The following URB2 variants were observed in gnomAD, a reference collection of about 807,000 sequenced individuals.
The protein encoded by URB2 is URB2 ribosome biogenesis homolog.
In URB2, 86 loss-of-function variants were observed where a neutral mutation model predicts 120.9. The ratio of observed to expected loss-of-function variants is 0.71; its 90% CI spans 0.60 to 0.85. The LOEUF (loss-of-function observed/expected upper bound fraction) is 0.85, where lower values mean the gene tolerates loss of function less well. Among genes scored for constraint, URB2 ranks in the 40% least tolerant of loss-of-function variants. URB2 has a pLI of 0.00. For synonymous variants in URB2, 755 were observed against 758.4 expected (o/e 1.00, Z 0.07); for missense variants, 1,765 against 1,836.5 (o/e 0.96, Z 0.71).
At chr1:229,639,627 T>C (rs1252099651) in intron 4 of URB2, among the ~76,000 whole-genome samples, 2 of 152,172 alleles carry the variant, frequency 1.3e-5, no homozygotes, top group Non-Finnish European at 2.9e-5. Context: ...TGAGCCACCA[T>C]GTCCAGCCAA....
chr1:229,653,944 T>G (rs1233806833), intron 8 of URB2, among the ~76,000 whole-genome samples: 4 of 150,084 alleles, frequency 2.7e-5, no homozygotes, highest in Admixed American at 6.6e-5. Context: ...GTGTTTTTTT[T>G]TTTTTTTTTT....
chr1:229,639,454 C>G (rs1410588334), intron 4 of URB2, among the ~76,000 whole-genome samples: 1 of 151,762 alleles, frequency 6.6e-6, no homozygotes, highest in Non-Finnish European at 1.5e-5. Flanking sequence ...CCTGCCTCAG[C>G]CTCCCAAGTA....
chr1:229,637,745 A>G lies in URB2; in HGVS notation c.3132A>G (p.Gln1044=), dbSNP rs771718634. 1.1e-5 allele frequency: 17 copies of G among 1,614,048 alleles called. No individual in the cohort carries two copies. The highest frequency in any genetic ancestry group is 4.5e-5 in the East Asian group (2 of 44,896). The part of the protein sequence containing the change: ...KPYTEAASSK[Q]LENQNPQGRQ... ...ACACGGAGGCAGCTTCAAGCAAACA[A>G]TTAGAAAATCAGAACCCCCAGGGCA... Residue 1044 remains glutamine, a synonymous_variant, in exon 4 of 10, where the codon CAA becomes CAG. Coordinates refer to ENST00000258243, the MANE Select transcript of URB2 (RefSeq NM_014777.4).
At position 229,645,800 on chromosome 1, in the gene URB2, G is replaced by A. The variant is rs375926418; in HGVS notation, c.3796-59G>A. ...CAGAGAGCAGTCTTCTTCCCCAGGC[G>A]GAGTTCTTAAGGGAGAACACGCTAT... On this transcript the variant is annotated intron_variant, in intron 5 of 9. Transcript: ENST00000258243. 1.2e-4 allele frequency: 177 copies of A among 1,416,484 alleles called. No individual in the cohort carries two copies. In the African/African-American group the frequency reaches 1.8e-3, roughly 14 times the overall value. 87.7% of individuals were successfully genotyped at this position (1,416,484 alleles called of 1,614,324 possible).
Position 229,633,170 on chromosome 1 carries a change from GA to G in URB2, c.303+726del, listed in dbSNP as rs374028747. Among the ~76,000 whole-genome samples, 107 of 152,304 alleles carry G rather than the reference GA, an allele frequency of 7.0e-4. 1 individual carries two copies. The highest frequency in any genetic ancestry group is 2.5e-3 in the African/African-American group (105 of 41,576). ...TCACCCTCATGAGTGTGCGGGCTGAGAGAAAATCGTTAGAGGCTAGTAACGG... is the reference window on the plus strand; with the variant it reads ...TCACCCTCATGAGTGTGCGGGCTGAGGAAAATCGTTAGAGGCTAGTAACGG... On this transcript the variant is annotated intron_variant, in intron 3 of 9. Coordinates refer to ENST00000258243, the MANE Select transcript of URB2 (RefSeq NM_014777.4).
chr1:229,649,420 G>A (rs904749882), intron 7 of URB2, among the ~76,000 whole-genome samples: 4 of 152,210 alleles, frequency 2.6e-5, no homozygotes. Context: ...AATTACAGGT[G>A]CAGGATTTCA....
At position 229,635,141 on chromosome 1, in the gene URB2, C is replaced by CCTTGGCCATTATCT; in HGVS notation, c.533_546dup (p.Ile183AlafsTer5). The CCTTGGCCATTATCT allele has an allele frequency of 1.2e-6, 2 of 1,614,140 alleles. No homozygotes were observed. Among genetic ancestry groups the CCTTGGCCATTATCT allele is most frequent in the Non-Finnish European group, 8.5e-7 (1 of 1,180,026 alleles). ...AGTTGTTTGAGGTCATTCACCTGGC[C>CCTTGGCCATTATCT]CTTGGCCATTATCTCTTGATCCTGC... On this transcript the variant is annotated frameshift_variant, in exon 4 of 10. Coordinates refer to ENST00000258243, the MANE Select transcript of URB2 (RefSeq NM_014777.4). LOFTEE classifies it high-confidence loss of function.
At chr1:229,639,187 C>G (rs1571874307) in intron 4 of URB2, among the ~76,000 whole-genome samples, 1 of 151,944 alleles carries the variant, frequency 6.6e-6, no homozygotes, top group African/African-American at 2.4e-5. Context: ...CCCAGCTACT[C>G]AGGAGGTTGA....
intron 2 of URB2, among the ~76,000 whole-genome samples, chr1:229,630,663 A>C: frequency 6.6e-6 from 1 of 152,280 alleles, no homozygotes; most frequent in African/African-American, 2.4e-5. Context: ...CTTTGAAGCC[A>C]GGCATTGACT....
intron 4 of URB2, among the ~76,000 whole-genome samples, chr1:229,640,038 A>G (rs1446950240): frequency 2.0e-5 from 3 of 152,242 alleles, no homozygotes; most frequent in Non-Finnish European, 4.4e-5. Flanking sequence ...ACAGCTATAT[A>G]AGATATACAT....
intron 3 of URB2, among the ~76,000 whole-genome samples, chr1:229,633,021 A>G (rs1665710542): frequency 6.6e-6 from 1 of 152,246 alleles, no homozygotes; most frequent in African/African-American, 2.4e-5. Context: ...TGAGCACTTC[A>G]TGTGTGCCAG....
At chr1:229,631,483 C>T (rs905572086) in intron 2 of URB2, among the ~76,000 whole-genome samples, 1 of 152,192 alleles carries the variant, frequency 6.6e-6, no homozygotes, top group East Asian at 1.9e-4. Flanking sequence ...GCATGCCTTC[C>T]TCACTAAGCT....
At position 229,637,052 on chromosome 1, in the gene URB2, G is replaced by T. The variant is rs138859464; in HGVS notation, c.2439G>T (p.Thr813=). The T allele has an allele frequency of 1.2e-6, 2 of 1,614,032 alleles. No individual in the cohort carries two copies. The highest frequency in any genetic ancestry group is 1.7e-6 in the Non-Finnish European group (2 of 1,180,034). The change falls in exon 4 of 10, where the codon ACG becomes ACT. Residue 813 remains threonine, a synonymous_variant. Coordinates refer to ENST00000258243, the MANE Select transcript of URB2 (RefSeq NM_014777.4). ...EMQSLHSAFL[T]CVTTSCSSIL... ...AGTCCCTTCATTCTGCTTTCTTAAC[G>T]TGCGTAACCACAAGTTGCTCCAGCA... is the stretch of plus-strand genomic sequence containing the variant.
intron 5 of URB2, among the ~76,000 whole-genome samples, chr1:229,644,078 AG>A (rs1666081102): frequency 6.6e-6 from 1 of 152,250 alleles, no homozygotes; most frequent in South Asian, 2.1e-4. Context: ...CCAGCATTTG[AG>A]AAGCACCTAG....
At chr1:229,652,706 C>T (rs1422895200) in intron 8 of URB2, among the ~76,000 whole-genome samples, 1 of 152,260 alleles carries the variant, frequency 6.6e-6, no homozygotes, top group Non-Finnish European at 1.5e-5. Flanking sequence ...CCTCTCCCAT[C>T]ATGTCTGAGC....
intron 9 of URB2, among the ~76,000 whole-genome samples, chr1:229,655,080 T>C (rs1370960386): frequency 6.6e-6 from 1 of 152,182 alleles, no homozygotes; most frequent in Admixed American, 6.5e-5. Flanking sequence ...TGGCGGTGTG[T>C]CACTCATGTG....
intron 4 of URB2, among the ~76,000 whole-genome samples, chr1:229,640,187 G>T (rs1486593342): frequency 6.6e-6 from 1 of 152,056 alleles, no homozygotes; most frequent in East Asian, 1.9e-4. Context: ...CTTTAATGTT[G>T]CATTTTAATA....
intron 3 of URB2, among the ~76,000 whole-genome samples, chr1:229,633,687 G>A (rs910151757): frequency 1.3e-5 from 2 of 152,164 alleles, no homozygotes; most frequent in Non-Finnish European, 2.9e-5. Context: ...GATTCCATAA[G>A]GCTGGGAGCA....
chr1:229,635,504 C>T lies in URB2; in HGVS notation c.891C>T (p.Thr297=). ...GCTACTGTGCAGCATCCCTTCATAC[C>T]TCTGTTGTGGCCAACTCAGTGGCCT... ...DAGYCAASLH[T]SVVANSVALL... is the part of the protein sequence containing the mutation. Residue 297 remains threonine (T), a synonymous_variant, in exon 4 of 10, where the codon ACC becomes ACT. Coordinates refer to ENST00000258243, the MANE Select transcript of URB2 (RefSeq NM_014777.4). 6.2e-7 allele frequency: 1 copy of T among 1,613,998 alleles called. No individual in the cohort carries two copies. The highest frequency in any genetic ancestry group is 8.5e-7 in the Non-Finnish European group (1 of 1,179,952).
Sources: gnomAD v4.1 joint callset for allele counts (sites outside exome capture counted in the v4.1 genomes callset) on GRCh38, gnomAD v4.1.1 for gene constraint, MANE v1.5 for transcripts, NCBI Gene and HGNC (gene_info 2026-07-23, HGNC 2026-07-21) for gene names.